Variants in MADD observed in about 807,000 individuals in gnomAD.
MADD encodes MAP kinase activating death domain, also known as MAP kinase-activating death domain protein.
A neutral mutation model predicts 176.7 loss-of-function variants in MADD; 109 were observed. The ratio of observed to expected loss-of-function variants is 0.62; its 90% CI spans 0.53 to 0.72. The LOEUF is 0.72. MADD is among the 30% of genes least tolerant of loss of function. The probability of loss-of-function intolerance (pLI) is 0.00; values close to 1 mark genes in which losing one functional copy is unlikely to be tolerated. For synonymous variants in MADD, 771 were observed against 771.3 expected, an observed-to-expected ratio of 1.00 and a Z score of 0.01; for missense variants, 1,914 against 2,045.5, an observed-to-expected ratio of 0.94 and a Z score of 1.24.
chr11:47,279,671 G>A (rs1183763253), intron 7 of MADD, among the ~76,000 whole-genome samples: 7 of 151,802 alleles, frequency 4.6e-5, no homozygotes, highest in Non-Finnish European at 8.8e-5. Context: ...GAGCCACTGC[G>A]CCCGGCCGAT....
chr11:47,306,612 T>G (rs1359071200), intron 22 of MADD, among the ~76,000 whole-genome samples: 1 of 151,672 alleles, frequency 6.6e-6, no homozygotes, highest in Non-Finnish European at 1.5e-5. Context: ...TTCCTCCTTG[T>G]TCCCAGCTGA....
At chr11:47,326,666 T>C in intron 30 of MADD, 72 bp from the exon 35 acceptor site, 1 of 1,572,860 alleles carries the variant, frequency 6.4e-7, no homozygotes, top group Non-Finnish European at 8.7e-7. Flanking sequence ...GGGCTGTAGC[T>C]GGGAGAGTGT....
intron 3 of MADD, among the ~76,000 whole-genome samples, chr11:47,275,439 A>T (rs562288707): frequency 6.6e-6 from 1 of 152,234 alleles, no homozygotes; most frequent in South Asian, 2.1e-4. Context: ...TTACAGGTGC[A>T]CGCCACCATG....
chr11:47,329,456 C>T, exon 33 of MADD: 1 of 357,676 alleles, frequency 2.8e-6, no homozygotes. Context: ...TGTTGTGGTT[C>T]CTTGTCCTTG....
exon 9 of MADD, chr11:47,282,464 G>T: frequency 7.4e-6 from 12 of 1,614,088 alleles, no homozygotes; most frequent in Non-Finnish European, 1.0e-5. Flanking sequence ...CTCTTTCCTC[G>T]GCCTGTGGTA....
intron 1 of MADD, among the ~76,000 whole-genome samples, chr11:47,272,599 A>G (rs1434652187): frequency 6.6e-6 from 1 of 152,262 alleles, no homozygotes; most frequent in African/African-American, 2.4e-5. Flanking sequence ...ACTTCTACTC[A>G]TAGAAGAAGT....
intron 1 of MADD, chr11:47,270,802 A>G (rs528848366): frequency 3.3e-5 from 5 of 151,974 alleles, no homozygotes; most frequent in Middle Eastern, 3.2e-3. Flanking sequence ...CTCTACCCCA[A>G]CCCTGCCAGC....
Position 47,293,872 on chromosome 11 carries a change from C to G in MADD, c.3302-11C>G. 1 of 1,581,828 alleles carries G rather than the reference C, an allele frequency of 6.3e-7. No individual in the cohort carries two copies. Among genetic ancestry groups the G allele is most frequent in the Non-Finnish European group, 8.7e-7 (1 of 1,150,586 alleles). The stretch of plus-strand genomic sequence containing the variant: ...TTGTGCACGGAGTAACAGAAGTCTT[C>G]CCCTACTCAGGGCCTGAAGTAATCA... On this transcript the variant is annotated splice_polypyrimidine_tract_variant and intron_variant, in intron 19 of 32. Transcript: ENST00000402192.
chr11:47,300,970 G>A (rs987808020), intron 22 of MADD, among the ~76,000 whole-genome samples: 1 of 145,460 alleles, frequency 6.9e-6, no homozygotes, highest in Admixed American at 6.8e-5. Flanking sequence ...GATGTCAATT[G>A]TAATGTTTAC....
chr11:47,328,241 C>G (rs779692376), intron 31 of MADD: 15 of 1,095,616 alleles, frequency 1.4e-5, no homozygotes, highest in Non-Finnish European at 1.7e-5. Context: ...TCACGGGTGT[C>G]TCAGCAAAGT....
chr11:47,279,369 C>T (rs187956027), intron 7 of MADD, among the ~76,000 whole-genome samples: 27 of 146,058 alleles, frequency 1.8e-4, no homozygotes, highest in African/African-American at 6.0e-4. Flanking sequence ...GGCTTCAGAA[C>T]ATTTTCTCAG....
At chr11:47,285,425 A>C in intron 13 of MADD, 26 bp from the exon 14 acceptor site, 1 of 1,613,758 alleles carries the variant, frequency 6.2e-7, no homozygotes, top group Non-Finnish European at 8.5e-7. Context: ...CTGCCTGGGG[A>C]TCATAGGTGC....
intron 10 of MADD, among the ~76,000 whole-genome samples, chr11:47,283,417 G>C (rs147265025): frequency 1.1e-3 from 163 of 151,732 alleles, no homozygotes; most frequent in African/African-American, 3.4e-3. Flanking sequence ...TTGTATGTAT[G>C]TGACAGAGTC....
chr11:47,328,800 G>T, intron 32 of MADD, 96 bp downstream of exon 36: 1 of 1,506,370 alleles, frequency 6.6e-7, no homozygotes, highest in South Asian at 1.2e-5. Flanking sequence ...AGCGCACAGG[G>T]GTGAGTGGGG....
chr11:47,317,035 C>T (rs61897360), intron 27 of MADD, among the ~76,000 whole-genome samples: 3,330 of 152,316 alleles, frequency 0.022, 60 homozygotes, highest in Non-Finnish European at 0.033. Context: ...TGAGCCACCC[C>T]GCCTGGCCTA....
chr11:47,281,599 A>G (rs2056809773), exon 8 of MADD: 1 of 1,612,038 alleles, frequency 6.2e-7, no homozygotes, highest in Non-Finnish European at 8.5e-7. Flanking sequence ...GAGTCTCAAC[A>G]CCCAGCCCAT....
At chr11:47,300,108 TC>T (rs1286947100) in intron 22 of MADD, among the ~76,000 whole-genome samples, 1 of 152,208 alleles carries the variant, frequency 6.6e-6, no homozygotes, top group Non-Finnish European at 1.5e-5. Flanking sequence ...TTGACTTTTA[TC>T]AAATACTTTT....
At chr11:47,278,084 C>T in intron 5 of MADD, 81 bp from the exon 6 acceptor site, 2 of 917,576 alleles carry the variant, frequency 2.2e-6, no homozygotes. Flanking sequence ...TCTGCATTTC[C>T]TTATCTAGAA....
chr11:47,269,725 T>C (rs1445291370), upstream of MADD: 2 of 149,320 alleles, frequency 1.3e-5, no homozygotes, highest in Non-Finnish European at 3.0e-5. Flanking sequence ...GCTTCCCTGC[T>C]CGGACGCCGA....
Sources: allele counts gnomAD v4.1 joint callset (sites outside exome capture counted in the v4.1 genomes callset), GRCh38; gene constraint gnomAD v4.1.1; transcripts MANE v1.5; gene names NCBI Gene and HGNC (gene_info 2026-07-23, HGNC 2026-07-21).